The following LINGO2 variants were observed in gnomAD, a reference collection of about 807,000 sequenced individuals.
LINGO2 encodes leucine rich repeat and Ig domain containing 2.
A neutral mutation model predicts 30.6 loss-of-function variants in LINGO2; 14 were observed. That is an observed-to-expected ratio of 0.46 (90% CI 0.30 to 0.72). The LOEUF is 0.72. LINGO2 is among the 30% of genes least tolerant of loss of function. The pLI is 0.07. For synonymous variants in LINGO2, 317 were observed against 288.5 expected (o/e 1.10, Z -1.00); for missense variants, 729 against 751.7 (o/e 0.97, Z 0.35).
chr9:28,170,307 A>C (rs1317750231), intron 4 of LINGO2, among the ~76,000 whole-genome samples: 1 of 152,228 alleles, frequency 6.6e-6, no homozygotes, highest in Non-Finnish European at 1.5e-5. Context: ...TAATACAAAA[A>C]GTTCACAAGG....
At chr9:27,940,566 T>C in the LINGO2 span, 4 of 152,292 alleles carry the variant, frequency 2.6e-5, no homozygotes, top group South Asian at 8.3e-4. Context: ...GAAAAGAATA[T>C]AGGGTTGTAC....
At chr9:27,945,093 T>C (rs555328547), downstream of LINGO2, among the ~76,000 whole-genome samples, 8 of 152,232 alleles carry the variant, frequency 5.3e-5, no homozygotes, top group South Asian at 8.3e-4. Context: ...TCAAGACATA[T>C]GCAGTGTTGA....
the LINGO2 span, among the ~76,000 whole-genome samples, chr9:28,959,899 G>A: frequency 1.3e-5 from 2 of 152,058 alleles, no homozygotes. Context: ...ATAACCATGT[G>A]GGTAAATATA....
the LINGO2 span, among the ~76,000 whole-genome samples, chr9:28,761,888 G>T: frequency 6.6e-6 from 1 of 152,046 alleles, no homozygotes; most frequent in East Asian, 1.9e-4. Context: ...TATGCAATGG[G>T]TTGTCATCAG....
the LINGO2 span, among the ~76,000 whole-genome samples, chr9:29,046,378 C>A: frequency 2.0e-5 from 3 of 152,076 alleles, no homozygotes; most frequent in African/African-American, 7.2e-5. Context: ...ACCAAAACAG[C>A]ACAATACTTG....
chr9:28,485,307 C>A (rs1016019775), intron 1 of LINGO2, among the ~76,000 whole-genome samples: 1 of 152,132 alleles, frequency 6.6e-6, no homozygotes, highest in African/African-American at 2.4e-5. Context: ...ACTATGAGCA[C>A]AGCACAGTGC....
At position 28,157,340 on chromosome 9, in the gene LINGO2, C is replaced by T. The variant is rs375898180; in HGVS notation, c.-87+137868G>A. ...CCATGGTCCAAGCTCTACATTGACC[C>T]CTTTCAGCCACAGCTGGAGCAGCTG... On this transcript the variant is annotated intron_variant, in intron 4 of 5. Coordinates refer to ENST00000379992, the Ensembl canonical transcript of LINGO2. Among the ~76,000 whole-genome samples, 3 of 152,310 alleles carry T rather than the reference C, an allele frequency of 2.0e-5. No individual in the cohort carries two copies. The South Asian group carries it at 6.2e-4, about 32-fold the overall frequency.
intron 4 of LINGO2, among the ~76,000 whole-genome samples, chr9:28,028,860 C>G (rs1463349365): frequency 1.3e-5 from 2 of 152,116 alleles, no homozygotes; most frequent in East Asian, 3.9e-4. Context: ...TATAAGTATA[C>G]AGACACACAC....
At chr9:28,151,935 C>T (rs185865258) in intron 4 of LINGO2, among the ~76,000 whole-genome samples, 15 of 152,042 alleles carry the variant, frequency 9.9e-5, no homozygotes, top group South Asian at 4.2e-4. Context: ...CATATAGAAA[C>T]GAAATGCAAT....
intron 2 of LINGO2, among the ~76,000 whole-genome samples, chr9:28,434,919 A>G (rs1823862247): frequency 6.6e-6 from 1 of 152,122 alleles, no homozygotes; most frequent in Non-Finnish European, 1.5e-5. Flanking sequence ...ACTATATTTT[A>G]CCATTCTATT....
intron 1 of LINGO2, among the ~76,000 whole-genome samples, chr9:28,619,079 A>C (rs1826273714): frequency 6.6e-6 from 1 of 152,144 alleles, no homozygotes; most frequent in Non-Finnish European, 1.5e-5. Flanking sequence ...ATTGAGTAAT[A>C]ATATCTCTCC....
the LINGO2 span, among the ~76,000 whole-genome samples, chr9:28,960,208 C>T: frequency 1.3e-5 from 2 of 152,150 alleles, no homozygotes; most frequent in East Asian, 1.9e-4. Flanking sequence ...ACCCTTCCCT[C>T]TCTAAGAAAA....
chr9:29,018,895 G>A, the LINGO2 span, among the ~76,000 whole-genome samples: 7 of 152,222 alleles, frequency 4.6e-5, no homozygotes, highest in Admixed American at 4.6e-4. Context: ...CTATGTACAG[G>A]CTGTGGTGGG....
intron 3 of LINGO2, among the ~76,000 whole-genome samples, chr9:28,336,136 A>G (rs957354713): frequency 6.6e-6 from 1 of 152,124 alleles, no homozygotes; most frequent in African/African-American, 2.4e-5. Flanking sequence ...GTAGATATGT[A>G]GTAGTGTCAC....
chr9:29,213,504 A>T, the LINGO2 span, among the ~76,000 whole-genome samples: 1 of 152,042 alleles, frequency 6.6e-6, no homozygotes, highest in Non-Finnish European at 1.5e-5. Context: ...CGGCGGCGCC[A>T]GGTGAGGAGG....
the LINGO2 span, among the ~76,000 whole-genome samples, chr9:28,870,940 T>C: frequency 6.6e-6 from 1 of 151,992 alleles, no homozygotes; most frequent in African/African-American, 2.4e-5. Flanking sequence ...TTAATAATAG[T>C]GTAAGTTGCC....
chr9:28,903,477 T>C, the LINGO2 span, among the ~76,000 whole-genome samples: 1 of 152,104 alleles, frequency 6.6e-6, no homozygotes, highest in African/African-American at 2.4e-5. Context: ...ATCCATCCAT[T>C]CATTCATTCA....
At chr9:29,141,262 T>G in the LINGO2 span, among the ~76,000 whole-genome samples, 3 of 151,992 alleles carry the variant, frequency 2.0e-5, no homozygotes, top group Non-Finnish European at 4.4e-5. Flanking sequence ...TATAAATATG[T>G]AATTTGTGTT....
chr9:28,519,875 AT>A (rs35872265), intron 1 of LINGO2, among the ~76,000 whole-genome samples: 46 of 151,764 alleles, frequency 3.0e-4, no homozygotes, highest in African/African-American at 1.1e-3. Context: ...TTGATCCCCA[AT>A]TTTTTTTCTG....
Sources: gnomAD v4.1 joint callset for allele counts (sites outside exome capture counted in the v4.1 genomes callset) on GRCh38, gnomAD v4.1.1 for gene constraint, MANE v1.5 for transcripts, NCBI Gene and HGNC (gene_info 2026-07-23, HGNC 2026-07-21) for gene names.